The following DCAF17 variants were observed in gnomAD, a reference collection of about 807,000 sequenced individuals.
The protein encoded by DCAF17 is DDB1 and CUL4 associated factor 17.
Under a neutral mutation model 66.0 loss-of-function variants are expected in DCAF17, and 48 were observed. The observed-to-expected ratio is 0.73, with a 90% CI of 0.58 to 0.92. DCAF17 has a LOEUF of 0.92. Ranked by LOEUF, DCAF17 falls within the 40% of genes least tolerant of loss-of-function variation. The pLI is 0.00. For missense variants in DCAF17, 562 were observed against 622.8 expected (o/e 0.90, Z 1.04); for synonymous variants, 206 against 214.6 (o/e 0.96, Z 0.35).
In DCAF17 at chr2:171,481,136, C is replaced by T; in HGVS notation, c.*22C>T. 2.5e-6 allele frequency: 4 copies of T among 1,613,016 alleles called. No homozygotes were observed. Among genetic ancestry groups the T allele is most frequent in the Non-Finnish European group, 3.4e-6 (4 of 1,179,244 alleles). On this transcript the variant is annotated 3_prime_UTR_variant, in exon 14 of 14. Coordinates refer to ENST00000375255, the MANE Select transcript of DCAF17 (RefSeq NM_025000.4). ...TTAAAAAGAGTGAGATAATTGTAAC[C>T]TAAGAGACTTTTAGCCAAACACCCC...
At chr2:171,437,834 T>A (rs2105721628) in intron 2 of DCAF17, among the ~76,000 whole-genome samples, 1 of 152,346 alleles carries the variant, frequency 6.6e-6, no homozygotes, top group East Asian at 1.9e-4. Context: ...TTTTGTTGAT[T>A]TTCTCTATTG....
Position 171,450,968 on chromosome 2 carries a change from C to G in DCAF17, c.537+1011C>G, listed in dbSNP as rs190208458. On this transcript the variant is annotated intron_variant, in intron 5 of 13. Coordinates refer to ENST00000375255, the MANE Select transcript of DCAF17 (RefSeq NM_025000.4). Reference sequence around the variant, plus strand: ...GCTCTAGAGTCCCTGCTCTTATGCACTGTAGTAAGCTGCCCCTTCTTGAAA... The same window carrying G: ...GCTCTAGAGTCCCTGCTCTTATGCAGTGTAGTAAGCTGCCCCTTCTTGAAA... Among the ~76,000 whole-genome samples the G allele has an allele frequency of 1.7e-3, 257 of 151,880 alleles. 2 individuals are homozygous for G. Among genetic ancestry groups the G allele is most frequent in the Non-Finnish European group, 3.3e-3 (221 of 67,980 alleles).
At chr2:171,474,325 A>G (rs1443525183) in intron 10 of DCAF17, 2 of 279,802 alleles carry the variant, frequency 7.1e-6, no homozygotes, top group East Asian at 8.8e-5. Context: ...GAAAGGAAGT[A>G]GATTGTTTGA....
chr2:171,452,289 G>C (rs148052925), intron 5 of DCAF17, among the ~76,000 whole-genome samples: 1 of 152,178 alleles, frequency 6.6e-6, no homozygotes, highest in East Asian at 1.9e-4. Flanking sequence ...CTTCAAAACT[G>C]TATTGGAGAA....
At position 171,482,516 on chromosome 2, in the gene DCAF17, AC is replaced by A. The variant is rs1468259203; in HGVS notation, c.*1404del. ...GTAAACTTACATCTTGAAAAACAAG[AC>A]CAGTAAGAGGCCAGTGAAAGTACTA... On this transcript the variant is annotated 3_prime_UTR_variant, in exon 14 of 14. Coordinates refer to ENST00000375255, the MANE Select transcript of DCAF17 (RefSeq NM_025000.4). 4 of 453,980 alleles carry A rather than the reference AC, an allele frequency of 8.8e-6. No individual in the cohort carries two copies. Among genetic ancestry groups the A allele is most frequent in the Non-Finnish European group, 1.8e-5 (4 of 226,790 alleles). The allele number at this position is 453,980 out of a possible 1,614,324, so 28.1% of individuals were successfully genotyped here.
chr2:171,474,125 C>T (rs1696388310), intron 10 of DCAF17, 150 bp downstream of exon 10: 1 of 684,962 alleles, frequency 1.5e-6, no homozygotes, highest in Non-Finnish European at 2.6e-6. Context: ...ATACAGAACA[C>T]CTGAATTTAT....
chr2:171,473,290 T>C (rs2105802883), intron 9 of DCAF17, among the ~76,000 whole-genome samples: 1 of 152,140 alleles, frequency 6.6e-6, no homozygotes, highest in East Asian at 1.9e-4. Context: ...TGGAGTCAGA[T>C]CTGCTGTTTA....
rs990762164 is a variant in DCAF17 at position 171,440,907 on chromosome 2, G to A, written c.231-2616G>A. Among the ~76,000 whole-genome samples the A allele has an allele frequency of 3.3e-5, 5 of 152,114 alleles. No individual in the cohort carries two copies. In the East Asian group the frequency reaches 5.8e-4, roughly 18 times the overall value. ...ATTTTCAGATTGTTCAGCATTTTTC[G>A]TGCTATGAGGACAGACGGGTGGCAC... On this transcript the variant is annotated intron_variant, in intron 2 of 13. Coordinates refer to ENST00000375255, the MANE Select transcript of DCAF17 (RefSeq NM_025000.4).
rs760384569 is a variant in DCAF17, at chr2:171,449,963, C to T, written c.537+6C>T. The T allele has an allele frequency of 7.5e-6, 12 of 1,606,256 alleles. No homozygotes were observed. The highest frequency in any genetic ancestry group is 8.5e-6 in the Non-Finnish European group (10 of 1,173,294). ...GCTCAGCAGTGGCCCGGCAGGTATA[C>T]ATATTTAAACATTCAATAAAATGAA... On this transcript the variant is annotated splice_donor_region_variant and intron_variant, in intron 5 of 13. Coordinates refer to ENST00000375255, the MANE Select transcript of DCAF17 (RefSeq NM_025000.4).
At chr2:171,452,143 G>A (rs1694991115) in intron 5 of DCAF17, among the ~76,000 whole-genome samples, 2 of 151,952 alleles carry the variant, frequency 1.3e-5, no homozygotes, top group South Asian at 4.1e-4. Flanking sequence ...AATCTTTTTT[G>A]TTTGCTGTTT....
chr2:171,448,538 A>G (rs1350887200), intron 3 of DCAF17, 143 bp from the exon 4 acceptor site: 2 of 661,758 alleles, frequency 3.0e-6, no homozygotes, highest in Non-Finnish European at 4.7e-6. Context: ...CCTTGTCTTA[A>G]TTCTCTAGTT....
In DCAF17 at chr2:171,483,472, G is replaced by A. The variant is rs1215824627; in HGVS notation, c.*2358G>A. The A allele has an allele frequency of 4.4e-6, 2 of 454,094 alleles. No individual in the cohort carries two copies. Among genetic ancestry groups the A allele is most frequent in the Admixed American group, 4.7e-5 (2 of 42,562 alleles). The allele number at this position is 454,094 out of a possible 1,614,324, so 28.1% of individuals were successfully genotyped here. A position where few individuals can be genotyped will look rare whatever the true frequency, so the allele number is the denominator to read the frequency against. ...GTTTCTGCATTCTCAGAGCATCAAT[G>A]CAGCAAGCTTATTGTTCCTCAATTT... On this transcript the variant is annotated 3_prime_UTR_variant, in exon 14 of 14. Coordinates refer to ENST00000375255, the MANE Select transcript of DCAF17 (RefSeq NM_025000.4).
chr2:171,434,820 G>C, intron 1 of DCAF17, 117 bp downstream of exon 1: 1 of 1,392,426 alleles, frequency 7.2e-7, no homozygotes, highest in Non-Finnish European at 9.4e-7. Flanking sequence ...ACATGTGATG[G>C]GGAGGAGGAT....
In DCAF17 at chr2:171,484,075, G is replaced by A. The variant is rs1416013015; in HGVS notation, c.*2961G>A. The A allele has an allele frequency of 4.4e-6, 2 of 454,016 alleles. No individual in the cohort carries two copies. The highest frequency in any genetic ancestry group is 1.6e-5 in the South Asian group (1 of 64,450). 28.1% of individuals were successfully genotyped at this position (454,016 alleles called of 1,614,324 possible). On this transcript the variant is annotated 3_prime_UTR_variant, in exon 14 of 14. Transcript: ENST00000375255. ...AGTCACACATAAATTGACAGAAAAT[G>A]TAGTTCTTCATTCAATGGTTAGCAG... is the stretch of plus-strand genomic sequence containing the variant.
chr2:171,443,743 A>G (rs1201977295), intron 3 of DCAF17, 130 bp downstream of exon 3: 8 of 686,554 alleles, frequency 1.2e-5, no homozygotes, highest in East Asian at 2.8e-5. Context: ...AAAGCAATCA[A>G]GATGAGAGTA....
chr2:171,467,600 A>G (rs1367640563), intron 8 of DCAF17, among the ~76,000 whole-genome samples: 1 of 151,878 alleles, frequency 6.6e-6, no homozygotes, highest in African/African-American at 2.4e-5. Context: ...AGGTTGTAAT[A>G]CTTAGGAGGC....
intron 6 of DCAF17, among the ~76,000 whole-genome samples, chr2:171,454,473 A>G (rs908854252): frequency 2.0e-5 from 3 of 151,650 alleles, no homozygotes; most frequent in African/African-American, 7.2e-5. Context: ...TTTAGTAGAG[A>G]CGGGGTTTCA....
rs1405948988 is a variant in DCAF17 at position 171,481,392 on chromosome 2, A to G, written c.*278A>G. The G allele has an allele frequency of 5.8e-6, 3 of 518,018 alleles. No individual in the cohort carries two copies. The highest frequency in any genetic ancestry group is 1.1e-5 in the Non-Finnish European group (3 of 269,452). 32.1% of individuals were successfully genotyped at this position (518,018 alleles called of 1,614,324 possible). ...GCAAATATAAAATGCTGGGAACAGA[A>G]AAGGACAGGTTAATTCCAATTGTTG... On this transcript the variant is annotated 3_prime_UTR_variant, in exon 14 of 14. Transcript: ENST00000375255.
At chr2:171,444,604 G>A (rs745437821) in intron 3 of DCAF17, among the ~76,000 whole-genome samples, 1 of 152,124 alleles carries the variant, frequency 6.6e-6, no homozygotes, top group Non-Finnish European at 1.5e-5. Flanking sequence ...AACACTTCTA[G>A]TCCCAAGTGT....
Sources: gnomAD v4.1 joint callset for allele counts (sites outside exome capture counted in the v4.1 genomes callset) on GRCh38, gnomAD v4.1.1 for gene constraint, MANE v1.5 for transcripts, NCBI Gene and HGNC (gene_info 2026-07-23, HGNC 2026-07-21) for gene names.